The following SPSB3 variants were observed in gnomAD, a reference collection of about 807,000 sequenced individuals.
SPSB3 encodes splA/ryanodine receptor domain and SOCS box containing 3, also known as SPRY domain-containing SOCS box protein 3.
A neutral mutation model predicts 29.5 loss-of-function variants in SPSB3; 18 were observed. The ratio of observed to expected loss-of-function variants is 0.61; its 90% CI spans 0.42 to 0.91. SPSB3 has a LOEUF of 0.91. SPSB3 is among the 40% of genes least tolerant of loss of function. The pLI, the probability that SPSB3 is intolerant of heterozygous loss-of-function variation, is 0.00. For synonymous variants in SPSB3, 299 were observed against 214.1 expected (o/e 1.40, Z -3.46); for missense variants, 540 against 507.5 (o/e 1.06, Z -0.61).
chr16:1,781,427 G>C lies in SPSB3; in HGVS notation c.57C>G (p.Arg19=). 6.2e-7 allele frequency: 1 copy of C among 1,612,838 alleles called. No individual in the cohort carries two copies. Among genetic ancestry groups the C allele is most frequent in the African/African-American group, 1.3e-5 (1 of 75,042 alleles). ...RAWHFVLSAA[R]RDADARAVAL... is the part of the protein sequence containing the mutation. The stretch of plus-strand genomic sequence containing the variant: ...CCACGGCCCGGGCATCTGCGTCTCG[G>C]CGGGCTGCACTCAGGACGAAGTGCC... Residue 19 remains arginine (R), a synonymous_variant, in exon 2 of 7, where the codon CGC becomes CGG. Coordinates refer to ENST00000566339, the MANE Select transcript of SPSB3 (RefSeq NM_080861.4).
chr16:1,776,921 G>T lies in SPSB3; in HGVS notation c.*176C>A. On this transcript the variant is annotated 3_prime_UTR_variant, in exon 7 of 7. Coordinates refer to ENST00000566339, the MANE Select transcript of SPSB3 (RefSeq NM_080861.4). ...CCCCACCCAGCACAGCAGCAGAGGG[G>T]CCCTAGAGCCCCCACAGAAAGGACT... 1 of 717,464 alleles carries T rather than the reference G, an allele frequency of 1.4e-6. No individual in the cohort carries two copies. The highest frequency in any genetic ancestry group is 2.2e-6 in the Non-Finnish European group (1 of 445,620). 44.4% of individuals were successfully genotyped at this position (717,464 alleles called of 1,614,324 possible).
chr16:1,780,792 G>C (rs145417370), intron 2 of SPSB3: 2,394 of 231,638 alleles, frequency 0.01, 55 homozygotes, highest in African/African-American at 0.051. Flanking sequence ...GAACGCACTG[G>C]TGTGATCACG....
intron 4 of SPSB3, 29 bp from the exon 5 acceptor site, chr16:1,778,077 G>A (rs757427432): frequency 5.6e-5 from 90 of 1,612,864 alleles, no homozygotes; most frequent in South Asian, 1.8e-4. Flanking sequence ...CAGAGGGCGC[G>A]GGGCTGGGCT....
chr16:1,782,435 C>T (rs1168658891), intron 1 of SPSB3, 67 bp downstream of exon 1: 1 of 152,034 alleles, frequency 6.6e-6, no homozygotes, highest in African/African-American at 2.4e-5. Flanking sequence ...GCGCTGCTAC[C>T]GCCGCGCCCG....
rs1032337158 is a variant in SPSB3, at chr16:1,776,902, C to A, written c.*195G>T. 4 of 656,256 alleles carry A rather than the reference C, an allele frequency of 6.1e-6. No individual in the cohort carries two copies. The highest frequency in any genetic ancestry group is 1.0e-5 in the Non-Finnish European group (4 of 394,950). 40.7% of individuals were successfully genotyped at this position (656,256 alleles called of 1,614,324 possible). A position where few individuals can be genotyped will look rare whatever the true frequency, so the allele number is the denominator to read the frequency against. On this transcript the variant is annotated 3_prime_UTR_variant, in exon 7 of 7. Coordinates refer to ENST00000566339, the MANE Select transcript of SPSB3 (RefSeq NM_080861.4). ...GGGCTCAGGGCAGCCGCTTCCCCAC[C>A]CAGCACAGCAGCAGAGGGGCCCTAG...
At position 1,778,140 on chromosome 16, in the gene SPSB3, G is replaced by A. The variant is rs376234209; in HGVS notation, c.486C>T (p.Thr162=). The A allele has an allele frequency of 1.6e-5, 25 of 1,612,558 alleles. No individual in the cohort carries two copies. The highest frequency in any genetic ancestry group is 3.3e-5 in the Admixed American group (2 of 59,994). The change falls in exon 4 of 7, where the codon ACC becomes ACT. Residue 162 remains threonine (T), a synonymous_variant. Coordinates refer to ENST00000566339, the MANE Select transcript of SPSB3 (RefSeq NM_080861.4). ...CTGGGCCGAAGCAACTTACCATGTCGGTGCCGTAGACGGGAGAGGTCATCT... is the reference window on the plus strand; with the variant it reads ...CTGGGCCGAAGCAACTTACCATGTCAGTGCCGTAGACGGGAGAGGTCATCT... ...EIKMTSPVYG[T]DMMVGIGTSD...
Position 1,778,026 on chromosome 16 carries a change from T to A in SPSB3, c.515A>T (p.Asp172Val). Residue 172 changes from aspartate to valine, a missense_variant, in exon 5 of 7, where the codon GAT becomes GTT. Transcript: ENST00000566339. ...GTGGCGGTATTTGTCCAGGTCCACA[T>A]CCGACGTCCCGATGCCCACCATCTA... ...TDMMVGIGTS[D>V]VDLDKYRHTF... 6.2e-7 allele frequency: 1 copy of A among 1,613,120 alleles called. No homozygotes were observed. Among genetic ancestry groups the A allele is most frequent in the Non-Finnish European group, 8.5e-7 (1 of 1,179,982 alleles).
In SPSB3 at chr16:1,776,848, C is replaced by T. The variant is rs2042720616; in HGVS notation, c.*249G>A. The T allele has an allele frequency of 1.8e-6, 1 of 544,544 alleles. No homozygotes were observed. 33.7% of individuals were successfully genotyped at this position (544,544 alleles called of 1,614,324 possible). A position where few individuals can be genotyped will look rare whatever the true frequency, so the allele number is the denominator to read the frequency against. On this transcript the variant is annotated 3_prime_UTR_variant, in exon 7 of 7. Transcript: ENST00000566339. ...CAGCAACGCGGGCTCCAGCCAGGCT[C>T]TCGTCCTCGCAGCCTCCCACAAGAC... is the stretch of plus-strand genomic sequence containing the variant.
rs185217358 is a variant in SPSB3 at position 1,778,754 on chromosome 16, G to A, written c.127-142C>T. On this transcript the variant is annotated intron_variant, in intron 2 of 6. Coordinates refer to ENST00000566339, the MANE Select transcript of SPSB3 (RefSeq NM_080861.4). ...GCCTCCAGGGACTTCACAGTACCCC[G>A]AGCGCACAGCCCAGGCTCCCTCCCA... 1.4e-3 allele frequency: 1,308 copies of A among 904,142 alleles called. 13 individuals are homozygous for A. The African/African-American group carries it at 0.017, about 12-fold the overall frequency. The allele number at this position is 904,142 out of a possible 1,614,324, so 56.0% of individuals were successfully genotyped here.
At position 1,777,442 on chromosome 16, in the gene SPSB3, A is replaced by G. The variant is rs1183074075; in HGVS notation, c.723T>C (p.Gly241=). The G allele has an allele frequency of 4.6e-6, 7 of 1,510,046 alleles. No homozygotes were observed. Among genetic ancestry groups the G allele is most frequent in the Non-Finnish European group, 6.2e-6 (7 of 1,130,448 alleles). 93.5% of individuals were successfully genotyped at this position (1,510,046 alleles called of 1,614,324 possible). A position where few individuals can be genotyped will look rare whatever the true frequency, so the allele number is the denominator to read the frequency against. ...LTFFKNRKCI[G]VAATKLQNKR... ...TGTTCTGCAGCTTGGTGGCTGCCAC[A>G]CCTGGAAGGGAGGGGCCCAGCCTGA... Residue 241 remains glycine (G), a splice_region_variant and synonymous_variant, in exon 7 of 7, where the codon GGT becomes GGC. Coordinates refer to ENST00000566339, the MANE Select transcript of SPSB3 (RefSeq NM_080861.4).
intron 1 of SPSB3, chr16:1,781,714 A>G: frequency 3.6e-6 from 2 of 561,260 alleles, no homozygotes; most frequent in South Asian, 4.4e-5. Context: ...CCAGACACCC[A>G]TGACTCCGGA....
At position 1,777,038 on chromosome 16, in the gene SPSB3, G is replaced by A. The variant is rs2042724022; in HGVS notation, c.*59C>T. On this transcript the variant is annotated 3_prime_UTR_variant, in exon 7 of 7. Coordinates refer to ENST00000566339, the MANE Select transcript of SPSB3 (RefSeq NM_080861.4). ...TGGCTGGAAGGAAGGGACAGAGAAA[G>A]AAGGGACAGAGGAAAGGGGCTGTCC... The A allele has an allele frequency of 1.9e-6, 3 of 1,553,198 alleles. No homozygotes were observed. Among genetic ancestry groups the A allele is most frequent in the Non-Finnish European group, 2.6e-6 (3 of 1,143,952 alleles).
chr16:1,781,133 T>A (rs1490001317), intron 2 of SPSB3: 2 of 1,495,342 alleles, frequency 1.3e-6, no homozygotes, highest in Non-Finnish European at 1.8e-6. Flanking sequence ...ATGCAGTGTG[T>A]TCTGAGGTCC....
intron 2 of SPSB3, chr16:1,781,057 T>C (rs756695167): frequency 2.1e-5 from 20 of 932,968 alleles, no homozygotes; most frequent in Non-Finnish European, 3.0e-5. Flanking sequence ...TTCTGTTGAA[T>C]GAACCAAAAG....
At chr16:1,781,199 C>T (rs765592684) in intron 2 of SPSB3, 159 bp downstream of exon 2, 88 of 1,553,806 alleles carry the variant, frequency 5.7e-5, no homozygotes, top group Non-Finnish European at 7.0e-5. Context: ...TTACTGAATG[C>T]GGTGCATCCA....
intron 6 of SPSB3, 110 bp from the exon 7 acceptor site, chr16:1,777,553 G>A: frequency 1.5e-6 from 2 of 1,363,652 alleles, no homozygotes; most frequent in Non-Finnish European, 1.9e-6. Context: ...TGGCACAGCT[G>A]AGGCAAGGCA....
rs771186190 is a variant in SPSB3, at chr16:1,777,131, C to T, written c.1034G>A (p.Arg345Gln). ...GCGGCAGCGCTTCCTCTGGCAGGGC[C>T]GAGGCTCGCGACTGCTGGGGTGGGC... Reference protein sequence around the residue: ...TSAHPSSREPRPCQRKRCRRT With the variant: ...TSAHPSSREPQPCQRKRCRRT The change falls in exon 7 of 7, where the codon CGG becomes CAG. Residue 345 changes from arginine to glutamine, a missense_variant. Arg to Gln is a conservative substitution (Grantham distance 43). Transcript: ENST00000566339. 1.4e-5 allele frequency: 22 copies of T among 1,611,428 alleles called. No homozygotes were observed. In the East Asian group the frequency reaches 3.1e-4, roughly 23 times the overall value.
Position 1,777,750 on chromosome 16 carries a change from TAC to T in SPSB3, c.716_717del (p.Cys239TyrfsTer153). 1.2e-6 allele frequency: 2 copies of T among 1,612,340 alleles called. No homozygotes were observed. Among genetic ancestry groups the T allele is most frequent in the Non-Finnish European group, 1.7e-6 (2 of 1,179,878 alleles). On this transcript the variant is annotated frameshift_variant, in exon 6 of 7. Coordinates refer to ENST00000566339, the MANE Select transcript of SPSB3 (RefSeq NM_080861.4). LOFTEE classifies it low-confidence loss of function (END_TRUNC). ...TCAAGTCCTGTGACGGCCTCACCTA[TAC>T]ACTTCCTGTTCTTGAAAAAGGTGAG... ...GTLTFFKNRK[C>X]IGVAATKLQN...
At chr16:1,778,660 C>T (rs745862686) in intron 2 of SPSB3, 48 bp from the exon 3 acceptor site, 3 of 1,510,574 alleles carry the variant, frequency 2.0e-6, no homozygotes, top group Admixed American at 2.0e-5. Flanking sequence ...GCTCTCTACC[C>T]TCTCACCCTT....
Sources: allele counts gnomAD v4.1 joint callset, GRCh38; gene constraint gnomAD v4.1.1; transcripts MANE v1.5; gene names NCBI Gene and HGNC (gene_info 2026-07-23, HGNC 2026-07-21).